Variants in BRWD3 observed in about 807,000 individuals in gnomAD.
BRWD3 encodes the protein bromodomain and WD repeat domain containing 3, also known as bromodomain and WD repeat-containing protein 3.
BRWD3 carries 10 observed loss-of-function variants against 149.7 expected under a neutral mutation model. The ratio of observed to expected loss-of-function variants is 0.07; its 90% CI spans 0.04 to 0.11. The LOEUF (loss-of-function observed/expected upper bound fraction) is 0.11, where lower values mean the gene tolerates loss of function less well. Ranked by LOEUF, BRWD3 falls within the 10% of genes least tolerant of loss-of-function variation. The probability of loss-of-function intolerance (pLI) is 1.00; values close to 1 mark genes in which losing one functional copy is unlikely to be tolerated. For missense variants in BRWD3, 940 were observed against 1,373.2 expected, an observed-to-expected ratio of 0.68 and a Z score of 4.99; for synonymous variants, 504 against 456.7, an observed-to-expected ratio of 1.10 and a Z score of -1.32.
At chrX:80,692,607 TAA>T (rs2072627125) in intron 28 of BRWD3, among the ~76,000 whole-genome samples, 2 of 112,503 alleles carry the variant, frequency 1.8e-5, no homozygotes, top group South Asian at 7.3e-4. Context: ...ACAATTACTT[TAA>T]GTAGTAAATT....
In BRWD3 at chrX:80,744,214, C is replaced by T. The variant is rs763847217; in HGVS notation, c.631G>A (p.Asp211Asn). 13 of 1,209,352 alleles carry T rather than the reference C, an allele frequency of 1.1e-5. No individual in the cohort carries two copies. Among genetic ancestry groups the T allele is most frequent in the East Asian group, 5.9e-5 (2 of 33,786 alleles). ...CGAAGTGTAGCAAGAAGGCGTCCAT[C>T]ATCTGTAGCCCAAATTTTTACTAAA... ...DCLVKIWATD[D>N]GRLLATLRGH... Residue 211 changes from aspartate (D) to asparagine (N), a missense_variant, in exon 8 of 41, where the codon GAT becomes AAT. Asp to Asn is a conservative substitution (Grantham distance 23, BLOSUM62 1). Coordinates refer to ENST00000373275, the MANE Select transcript of BRWD3 (RefSeq NM_153252.5).
intron 6 of BRWD3, among the ~76,000 whole-genome samples, chrX:80,774,895 T>C (rs959444083): frequency 1.8e-5 from 2 of 111,716 alleles, no homozygotes; most frequent in African/African-American, 6.5e-5. Context: ...CTCCAGTTTC[T>C]CTCCTCTCCA....
chrX:80,778,393 G>A (rs1305007254), intron 6 of BRWD3, among the ~76,000 whole-genome samples: 1 of 111,877 alleles, frequency 8.9e-6, no homozygotes, highest in Admixed American at 9.5e-5. Flanking sequence ...AGAATATGGA[G>A]GTGCAGTGGG....
intron 6 of BRWD3, among the ~76,000 whole-genome samples, chrX:80,762,287 T>C (rs2073811731): frequency 8.9e-6 from 1 of 111,857 alleles, no homozygotes; most frequent in African/African-American, 3.3e-5. Flanking sequence ...ATGCAACTTC[T>C]CATTTTACAT....
In BRWD3 at chrX:80,682,048, G is replaced by T. The variant is rs1396475810; in HGVS notation, c.4444C>A (p.Gln1482Lys). ...KQMKLQPKND[Q>K]NTSVSHARTS... ...CTGGCATGAGATACTGAGGTATTCT[G>T]GTCATTTTTAGGCTGCAACTTCATT... Residue 1482 changes from glutamine to lysine, a missense_variant, in exon 39 of 41, where the codon CAG (glutamine) becomes AAG (lysine). This residue lies in a region of BRWD3 where 349 missense variants were observed against 419.6 expected (regional missense o/e 0.83). Coordinates refer to ENST00000373275, the MANE Select transcript of BRWD3 (RefSeq NM_153252.5). The T allele has an allele frequency of 1.7e-6, 2 of 1,209,548 alleles. No homozygotes were observed. The highest frequency in any genetic ancestry group is 3.5e-5 in the South Asian group (2 of 56,906).
chrX:80,770,998 T>G (rs997057727), intron 6 of BRWD3, among the ~76,000 whole-genome samples: 1 of 111,410 alleles, frequency 9.0e-6, no homozygotes, highest in African/African-American at 3.3e-5. Flanking sequence ...AACTCCCATT[T>G]ACAATTGCTA....
At chrX:80,743,357 CTTTT>C (rs897122484) in intron 8 of BRWD3, among the ~76,000 whole-genome samples, 6 of 111,502 alleles carry the variant, frequency 5.4e-5, no homozygotes, top group African/African-American at 2.0e-4. Flanking sequence ...CTAAAATTCT[CTTTT>C]TTTGTTATGT....
At chrX:80,716,756 T>C (rs1396918896) in intron 19 of BRWD3, 2 of 119,853 alleles carry the variant, frequency 1.7e-5, no homozygotes, top group African/African-American at 6.5e-5. Flanking sequence ...CATTTGGTTA[T>C]TGTGAATAAT....
rs1426249872 is a variant in BRWD3 at position 80,686,501 on chromosome X, C to A, written c.4005+362G>T. ...TGGTATACTGGTTACTCTAAGTGGC[C>A]ATATTGATAACACATTCAGTATAAA... On this transcript the variant is annotated intron_variant, in intron 35 of 40. Coordinates refer to ENST00000373275, the MANE Select transcript of BRWD3 (RefSeq NM_153252.5). 5.2e-4 allele frequency among the ~76,000 whole-genome samples: 57 copies of A among 108,588 alleles called. 1 individual carries two copies. In the Admixed American group the frequency reaches 5.6e-3, roughly 11 times the overall value. The allele number at this position is 108,588 out of a possible 115,157, so 94.3% of individuals were successfully genotyped here.
At chrX:80,747,709 T>C (rs1210243697) in intron 6 of BRWD3, among the ~76,000 whole-genome samples, 1 of 111,997 alleles carries the variant, frequency 8.9e-6, no homozygotes. Context: ...GTAAATGGAA[T>C]TGTTTCACTG....
At chrX:80,709,049 A>T (rs976629783) in intron 21 of BRWD3, among the ~76,000 whole-genome samples, 2 of 111,850 alleles carry the variant, frequency 1.8e-5, no homozygotes, top group African/African-American at 6.5e-5. Context: ...AGTCAATAAT[A>T]ACAAAACATG....
chrX:80,791,936 T>C lies in BRWD3; in HGVS notation c.348A>G (p.Leu116=), dbSNP rs374496429. The C allele has an allele frequency of 2.8e-5, 34 of 1,193,715 alleles. No individual in the cohort carries two copies. The highest frequency in any genetic ancestry group is 2.3e-4 in the Middle Eastern group (1 of 4,338). ...GAGCCGCAAAAGCAGACCCATTCCATAGTGTACTCTTACAGTCTATATAAA... is the reference window on the plus strand; with the variant it reads ...GAGCCGCAAAAGCAGACCCATTCCACAGTGTACTCTTACAGTCTATATAAA... The part of the protein sequence containing the change: ...LRDAKDCKST[L]WNGSAFAALH... The change falls in exon 6 of 41, where the codon CTA becomes CTG. Residue 116 remains leucine, a synonymous_variant. Transcript: ENST00000373275.
intron 8 of BRWD3, among the ~76,000 whole-genome samples, chrX:80,739,320 T>C (rs1216030798): frequency 3.6e-5 from 4 of 111,615 alleles, no homozygotes; most frequent in African/African-American, 1.3e-4. Flanking sequence ...GGGGAGAAGA[T>C]CTAAGGAAGA....
Position 80,682,638 on chromosome X carries a change from C to A in BRWD3, c.4234-10G>T. 2.5e-6 allele frequency: 3 copies of A among 1,201,642 alleles called. No individual in the cohort carries two copies. The highest frequency in any genetic ancestry group is 2.3e-6 in the Non-Finnish European group (2 of 887,978). On this transcript the variant is annotated splice_polypyrimidine_tract_variant and intron_variant, in intron 37 of 40. Coordinates refer to ENST00000373275, the MANE Select transcript of BRWD3 (RefSeq NM_153252.5). ...GCATCATGCTATAGATCTGAGAAGG[C>A]AGAAATTATATAGTCTTAACTAGTT...
intron 6 of BRWD3, among the ~76,000 whole-genome samples, chrX:80,759,914 T>G (rs2073785115): frequency 9.0e-6 from 1 of 111,448 alleles, no homozygotes. Flanking sequence ...CCCCATCCAG[T>G]GTTTTTCACA....
intron 6 of BRWD3, among the ~76,000 whole-genome samples, chrX:80,756,469 G>A (rs1328006798): frequency 1.3e-5 from 1 of 79,663 alleles, no homozygotes; most frequent in Non-Finnish European, 2.2e-5. Flanking sequence ...ACCATTGTAC[G>A]CCAGCCTGGG....
intron 26 of BRWD3, among the ~76,000 whole-genome samples, chrX:80,696,529 C>T (rs1478805974): frequency 9.6e-6 from 1 of 104,489 alleles, no homozygotes; most frequent in East Asian, 3.0e-4. Context: ...TACACACACA[C>T]ACACACACAC....
chrX:80,809,755 GAA>G lies in BRWD3; in HGVS notation c.-286_-285del, dbSNP rs1383940659. ...AGAGAGAAGAGAGAGAGAGAGAGAGGAAAAAGAGAGAGAGAGAGAGAGAGAGA... is the reference window on the plus strand; with the variant it reads ...AGAGAGAAGAGAGAGAGAGAGAGAGGAAAGAGAGAGAGAGAGAGAGAGAGA... On this transcript the variant is annotated 5_prime_UTR_variant, in exon 1 of 41. Transcript: ENST00000373275. The G allele has an allele frequency of 0.016, 1,420 of 89,020 alleles. 185 individuals carry two copies. Among genetic ancestry groups the G allele is most frequent in the African/African-American group, 0.15 (1,280 of 8,607 alleles). The allele number at this position is 89,020 out of a possible 1,213,427, so 7.3% of individuals were successfully genotyped here.
chrX:80,735,262 G>A (rs1404273191), intron 9 of BRWD3, 65 bp from the exon 10 acceptor site: 25 of 857,417 alleles, frequency 2.9e-5, no homozygotes, highest in East Asian at 2.2e-4. Flanking sequence ...GAATGTTAGC[G>A]CACTACTGGA....
Sources: allele counts gnomAD v4.1 joint callset (sites outside exome capture counted in the v4.1 genomes callset), GRCh38; gene constraint gnomAD v4.1.1; regional missense constraint gnomAD v4.1.1; transcripts MANE v1.5; gene names NCBI Gene and HGNC (gene_info 2026-07-23, HGNC 2026-07-21).